The following TULP4 variants were observed in gnomAD, a reference collection of about 807,000 sequenced individuals.
TULP4 encodes tubby-related protein 4.
Under a neutral mutation model 129.0 loss-of-function variants are expected in TULP4, and 16 were observed. The observed-to-expected ratio is 0.12, with a 90% confidence interval of 0.08 to 0.19. TULP4 has a LOEUF of 0.19. Ranked by LOEUF, TULP4 falls within the 10% of genes least tolerant of loss-of-function variation. TULP4 has a pLI of 1.00. For synonymous variants in TULP4, 998 were observed against 854.0 expected, an observed-to-expected ratio of 1.17 and a Z score of -2.94; for missense variants, 1,842 against 2,059.1, an observed-to-expected ratio of 0.89 and a Z score of 2.04.
At chr6:158,474,350 T>A (rs1169653741) in intron 6 of TULP4, among the ~76,000 whole-genome samples, 1 of 152,210 alleles carries the variant, frequency 6.6e-6, no homozygotes, top group East Asian at 1.9e-4. Context: ...CCCTCAGTCA[T>A]CCAGAAACCC....
In TULP4 at chr6:158,504,108, A is replaced by C. The variant is rs1383091048; in HGVS notation, c.4445A>C (p.Gln1482Pro). The change falls in exon 13 of 14, where the codon CAG becomes CCG. Residue 1482 changes from glutamine (Q) to proline (P), a missense_variant. Transcript: ENST00000367097. ...TGGAACGAGGCCACCCAGGTCTACC[A>C]GCTGGACTTCGGGGGGCGGGTGACC... is the stretch of plus-strand genomic sequence containing the variant. ...PLWNEATQVYQLDFGGRVTQE... is the reference protein window; with the variant it reads ...PLWNEATQVYPLDFGGRVTQE... 1 of 1,609,430 alleles carries C rather than the reference A, an allele frequency of 6.2e-7. No individual in the cohort carries two copies.
At chr6:158,350,804 A>G (rs1218453597) in intron 1 of TULP4, among the ~76,000 whole-genome samples, 1 of 151,366 alleles carries the variant, frequency 6.6e-6, no homozygotes. Flanking sequence ...TCTGTTGCCC[A>G]GGCTGGAGTG....
intron 3 of TULP4, among the ~76,000 whole-genome samples, chr6:158,444,078 G>T (rs1226925260): frequency 4.6e-5 from 7 of 151,760 alleles, no homozygotes; most frequent in African/African-American, 1.7e-4. Flanking sequence ...AAATTAGCCT[G>T]GCGTGGTGGC....
intron 3 of TULP4, among the ~76,000 whole-genome samples, chr6:158,438,987 C>T (rs781217556): frequency 3.3e-5 from 5 of 152,074 alleles, no homozygotes; most frequent in African/African-American, 1.2e-4. Context: ...TTGGCTAACA[C>T]GGTGAAACTC....
At chr6:158,445,393 T>C (rs1286943319) in intron 3 of TULP4, among the ~76,000 whole-genome samples, 1 of 152,008 alleles carries the variant, frequency 6.6e-6, no homozygotes, top group Non-Finnish European at 1.5e-5. Context: ...TGAGAATTGG[T>C]TTATAAAGAA....
rs75139795 is a variant in TULP4 at position 158,334,927 on chromosome 6, A to G, written c.252+20659A>G. On this transcript the variant is annotated intron_variant, in intron 1 of 13. Transcript: ENST00000367097. ...GAGGAACAGGCCTTCACCAGACACC[A>G]TCTCTGCTGACACCTTGATCTTGGA... 3.9e-5 allele frequency among the ~76,000 whole-genome samples: 6 copies of G among 152,320 alleles called. No homozygotes were observed. In the East Asian group the frequency reaches 1.2e-3, roughly 29 times the overall value.
chr6:158,331,910 G>A (rs1329878759), intron 1 of TULP4, among the ~76,000 whole-genome samples: 1 of 148,876 alleles, frequency 6.7e-6, no homozygotes, highest in South Asian at 2.2e-4. Context: ...GGTGGCTCAC[G>A]CCTGTAATCC....
intron 1 of TULP4, among the ~76,000 whole-genome samples, chr6:158,361,325 T>C (rs911533224): frequency 1.3e-5 from 2 of 152,254 alleles, no homozygotes; most frequent in Non-Finnish European, 2.9e-5. Flanking sequence ...CCACTGATTA[T>C]TCTAATAGAG....
intron 1 of TULP4, among the ~76,000 whole-genome samples, chr6:158,337,133 T>C (rs1304422108): frequency 7.6e-6 from 1 of 131,828 alleles, no homozygotes; most frequent in African/African-American, 2.8e-5. Context: ...TTTCTCTTTT[T>C]TTTTTTTTTT....
intron 5 of TULP4, among the ~76,000 whole-genome samples, chr6:158,456,538 A>T (rs963473833): frequency 2.8e-4 from 43 of 152,256 alleles, no homozygotes; most frequent in African/African-American, 8.9e-4. Flanking sequence ...GTTGTCTTTA[A>T]TTCAAAATGC....
intron 1 of TULP4, among the ~76,000 whole-genome samples, chr6:158,288,627 A>G (rs1393688381): frequency 6.6e-6 from 1 of 151,910 alleles, no homozygotes; most frequent in African/African-American, 2.4e-5. Context: ...CAGACTCCGG[A>G]GTAGCTGGGA....
At chr6:158,392,386 A>G (rs1777603399) in intron 1 of TULP4, among the ~76,000 whole-genome samples, 1 of 152,216 alleles carries the variant, frequency 6.6e-6, no homozygotes, top group Admixed American at 6.5e-5. Flanking sequence ...ATCATGAAGT[A>G]ACAGAATATT....
chr6:158,259,708 A>G (rs1778315201), intron 1 of TULP4, among the ~76,000 whole-genome samples: 2 of 152,204 alleles, frequency 1.3e-5, no homozygotes, highest in South Asian at 4.1e-4. Flanking sequence ...GGCAGATACC[A>G]ATTGCAAGTC....
In TULP4 at chr6:158,429,840, C is replaced by T. The variant is rs767708053; in HGVS notation, c.486C>T (p.Ser162=). 5.9e-5 allele frequency: 96 copies of T among 1,613,882 alleles called. No individual in the cohort carries two copies. The highest frequency in any genetic ancestry group is 3.2e-4 in the Admixed American group (19 of 59,984). The change falls in exon 3 of 14, where the codon TCC becomes TCT. Residue 162 remains serine, a synonymous_variant. Transcript: ENST00000367097. ...TCAGTGGACAAAGACACTGGTCATC[C>T]GAAATCAACTTGGAAAGTCAAATTA... ...GSVSGQRHWS[S]EINLESQITC... is the part of the protein sequence containing the mutation.
At chr6:158,397,837 T>C (rs1299299325) in intron 1 of TULP4, 2 of 152,230 alleles carry the variant, frequency 1.3e-5, no homozygotes, top group Non-Finnish European at 2.9e-5. Flanking sequence ...CTCTTCGTGA[T>C]TGATAGTGGT....
At chr6:158,485,940 G>A (rs1780054684) in intron 8 of TULP4, among the ~76,000 whole-genome samples, 1 of 152,234 alleles carries the variant, frequency 6.6e-6, no homozygotes, top group South Asian at 2.1e-4. Flanking sequence ...CTGGAGAGCA[G>A]TTTTGCTTCA....
chr6:158,388,654 A>G (rs1205122671), intron 1 of TULP4, among the ~76,000 whole-genome samples: 1 of 12,536 alleles, frequency 8.0e-5, no homozygotes, highest in Non-Finnish European at 2.3e-4. Context: ...TTTCTAATGG[A>G]AAAAAAAAAA....
intron 1 of TULP4, among the ~76,000 whole-genome samples, chr6:158,239,187 A>G (rs1474183706): frequency 1.4e-5 from 1 of 69,492 alleles, no homozygotes; most frequent in African/African-American, 5.6e-5. Flanking sequence ...CGGGGGGCTG[A>G]CCCCCCCCAC....
At chr6:158,300,541 A>G (rs142779435) in intron 1 of TULP4, among the ~76,000 whole-genome samples, 8 of 152,302 alleles carry the variant, frequency 5.3e-5, no homozygotes, top group Middle Eastern at 6.8e-3. Flanking sequence ...GAAATTCCCC[A>G]TTGTTGCATA....
Sources: allele counts gnomAD v4.1 joint callset (sites outside exome capture counted in the v4.1 genomes callset), GRCh38; gene constraint gnomAD v4.1.1; transcripts MANE v1.5; gene names NCBI Gene and HGNC (gene_info 2026-07-23, HGNC 2026-07-21).